Variants in ZNF473 observed in about 807,000 individuals in gnomAD.
The protein encoded by ZNF473 is zinc finger protein 473, also known as zinc finger protein 100 homolog.
A neutral mutation model predicts 11.1 loss-of-function variants in ZNF473; 4 were observed. That is an observed-to-expected ratio of 0.36 (90% CI 0.18 to 0.82). ZNF473 has a LOEUF of 0.82. Ranked by LOEUF, ZNF473 falls within the 40% of genes least tolerant of loss-of-function variation. The probability of loss-of-function intolerance (pLI) is 0.49; values close to 1 mark genes in which losing one functional copy is unlikely to be tolerated. For missense variants in ZNF473, 854 were observed against 1,084.0 expected, an observed-to-expected ratio of 0.79 and a Z score of 2.98; for synonymous variants, 404 against 390.4, an observed-to-expected ratio of 1.03 and a Z score of -0.41.
At chr19:50,028,508 A>G (rs1009287290) in intron 1 of ZNF473, among the ~76,000 whole-genome samples, 2 of 142,658 alleles carry the variant, frequency 1.4e-5, no homozygotes, top group African/African-American at 5.7e-5. Flanking sequence ...CAACTTGCTC[A>G]TTTTTAATTT....
At chr19:50,036,990 G>A (rs901600529) in intron 2 of ZNF473, among the ~76,000 whole-genome samples, 1 of 152,202 alleles carries the variant, frequency 6.6e-6, no homozygotes, top group African/African-American at 2.4e-5. Flanking sequence ...ATAAGTTGGG[G>A]ATAATCCTGC....
chr19:50,040,109 T>C (rs1419343230), intron 3 of ZNF473, among the ~76,000 whole-genome samples: 4 of 152,166 alleles, frequency 2.6e-5, no homozygotes, highest in Non-Finnish European at 5.9e-5. Flanking sequence ...AGTGATTGGC[T>C]AGGATTCCCA....
chr19:50,031,195 T>A, intron 2 of ZNF473, 104 bp downstream of exon 2: 2 of 1,460,536 alleles, frequency 1.4e-6, no homozygotes, highest in Non-Finnish European at 1.9e-6. Context: ...TGTTGATTGG[T>A]CACCCCCATG....
rs1478890180 is a variant in ZNF473 at position 50,041,825 on chromosome 19, T to C, written c.226+6T>C. 2 of 1,605,686 alleles carry C rather than the reference T, an allele frequency of 1.2e-6. No homozygotes were observed. The highest frequency in any genetic ancestry group is 3.4e-5 in the Admixed American group (2 of 58,336). On this transcript the variant is annotated splice_donor_region_variant and intron_variant, in intron 4 of 4. Transcript: ENST00000270617. ...CCCAGAAGCAACAAGCCCTGGTGAGTGGATGGAGAGGGGCCCCTTGTGTAC... is the reference window on the plus strand; with the variant it reads ...CCCAGAAGCAACAAGCCCTGGTGAGCGGATGGAGAGGGGCCCCTTGTGTAC...
At chr19:50,032,861 A>G (rs1037688175) in intron 2 of ZNF473, among the ~76,000 whole-genome samples, 14 of 152,150 alleles carry the variant, frequency 9.2e-5, no homozygotes, top group African/African-American at 3.4e-4. Flanking sequence ...CTCTGCCTTC[A>G]TCTTCACAGG....
At chr19:50,043,019 A>G (rs550345363) in intron 4 of ZNF473, among the ~76,000 whole-genome samples, 5 of 152,300 alleles carry the variant, frequency 3.3e-5, no homozygotes, top group African/African-American at 1.2e-4. Flanking sequence ...GAACTGCACA[A>G]GGGACAGGCT....
chr19:50,028,846 G>A (rs1051106146), intron 1 of ZNF473, among the ~76,000 whole-genome samples: 2 of 152,160 alleles, frequency 1.3e-5, no homozygotes, highest in Non-Finnish European at 2.9e-5. Context: ...AGTTATACTC[G>A]TAGGTTGAGG....
At chr19:50,040,280 C>T (rs1477993284) in intron 3 of ZNF473, among the ~76,000 whole-genome samples, 1 of 152,218 alleles carries the variant, frequency 6.6e-6, no homozygotes. Context: ...TGCTTAATTC[C>T]CCCAGCAATA....
chr19:50,030,813 G>C (rs1354981751), intron 1 of ZNF473, 79 bp from the exon 2 acceptor site: 1 of 550,412 alleles, frequency 1.8e-6, no homozygotes, highest in Non-Finnish European at 3.3e-6. Flanking sequence ...TGGCGAAGCT[G>C]TTCTGTAGGT....
chr19:50,040,306 T>G (rs1029275166), intron 3 of ZNF473, among the ~76,000 whole-genome samples: 3 of 152,198 alleles, frequency 2.0e-5, no homozygotes, highest in African/African-American at 7.2e-5. Context: ...GAATGTGATA[T>G]CGCGTGTGAA....
chr19:50,038,202 TTA>T (rs201882735), intron 2 of ZNF473, among the ~76,000 whole-genome samples: 2,631 of 147,090 alleles, frequency 0.018, 40 homozygotes, highest in Middle Eastern at 0.05. Context: ...AATTTATAAA[TTA>T]TATATATAAT....
chr19:50,044,845 G>T lies in ZNF473; in HGVS notation c.402G>T (p.Arg134Ser). 6.2e-7 allele frequency: 1 copy of T among 1,614,232 alleles called. No homozygotes were observed. The highest frequency in any genetic ancestry group is 8.5e-7 in the Non-Finnish European group (1 of 1,180,042). Residue 134 changes from arginine to serine, a missense_variant, in exon 5 of 5, where the codon AGG (arginine) becomes AGT (serine). Arg to Ser is a moderately radical substitution (Grantham distance 110). Around this residue, in one of 2 missense-constraint regions of ZNF473, gnomAD observed 668 missense variants for 790.2 expected, o/e 0.85. Transcript: ENST00000270617. ...SLLGDPESLL[R>S]SDIATNGESP... ...TAGGCGATCCAGAAAGTCTTCTGAG[G>T]TCTGATATTGCCACCAACGGGGAAA...
chr19:50,034,632 T>C (rs2077335608), intron 2 of ZNF473, among the ~76,000 whole-genome samples: 1 of 152,254 alleles, frequency 6.6e-6, no homozygotes, highest in Non-Finnish European at 1.5e-5. Flanking sequence ...TTGCCCCTTC[T>C]TGTTTTTTAA....
At position 50,039,046 on chromosome 19, in the gene ZNF473, T is replaced by A; in HGVS notation, c.10-115T>A. On this transcript the variant is annotated intron_variant, in intron 2 of 4. Transcript: ENST00000270617. This position sits in a 1 kb window ranked among gnomAD's most constrained non-coding sequence, Gnocchi z 4.8. ...CTCAAGATTCTTGTGAGGCTGAGGA[T>A]GGGATGGTTTTTGCCAAAGCCCTGG... 7.6e-7 allele frequency: 1 copy of A among 1,315,698 alleles called. No individual in the cohort carries two copies. Among genetic ancestry groups the A allele is most frequent in the Non-Finnish European group, 1.1e-6 (1 of 936,952 alleles). 81.5% of individuals were successfully genotyped at this position (1,315,698 alleles called of 1,614,324 possible). A position where few individuals can be genotyped will look rare whatever the true frequency, so the allele number is the denominator to read the frequency against.
At chr19:50,031,146 G>A (rs2077315798) in intron 2 of ZNF473, 55 bp downstream of exon 2, 1 of 1,555,004 alleles carries the variant, frequency 6.4e-7, no homozygotes. Flanking sequence ...AGAAAAATTG[G>A]CCTTCCTTTG....
intron 3 of ZNF473, 29 bp from the exon 4 acceptor site, chr19:50,041,701 T>A: frequency 6.4e-7 from 1 of 1,574,654 alleles, no homozygotes; most frequent in East Asian, 2.3e-5. Flanking sequence ...ATGTCCTGGT[T>A]GGGTGACAAT....
At chr19:50,035,507 G>A (rs1978376975) in intron 2 of ZNF473, among the ~76,000 whole-genome samples, 1 of 144,960 alleles carries the variant, frequency 6.9e-6, no homozygotes, top group Non-Finnish European at 1.5e-5. Flanking sequence ...GTTCTTAAGA[G>A]TTTTACAAAG....
At position 50,047,099 on chromosome 19, in the gene ZNF473, A is replaced by G; in HGVS notation, c.*40A>G. ...CAGAGTCCCAGAATATGAGACCGTT[A>G]CTCGGATGTTGAAAGTTGGAAACTA... On this transcript the variant is annotated 3_prime_UTR_variant, in exon 5 of 5. Coordinates refer to ENST00000270617, the MANE Select transcript of ZNF473 (RefSeq NM_015428.4). 4 of 1,524,410 alleles carry G rather than the reference A, an allele frequency of 2.6e-6. No individual in the cohort carries two copies. The highest frequency in any genetic ancestry group is 3.6e-6 in the Non-Finnish European group (4 of 1,121,366). The allele number at this position is 1,524,410 out of a possible 1,614,324, so 94.4% of individuals were successfully genotyped here.
chr19:50,045,971 A>T lies in ZNF473; in HGVS notation c.1528A>T (p.Thr510Ser). The change falls in exon 5 of 5, where the codon ACT becomes TCT. Residue 510 changes from threonine (T) to serine (S), a missense_variant. Around this residue, in one of 2 missense-constraint regions of ZNF473, gnomAD observed 668 missense variants for 790.2 expected, o/e 0.85. Transcript: ENST00000270617. ...NRLVQHQKMHTVKTPYECQEC... is the reference protein window; with the variant it reads ...NRLVQHQKMHSVKTPYECQEC... ...CCTTGTGCAACACCAGAAAATGCAC[A>T]CTGTCAAAACCCCATATGAATGTCA... The T allele has an allele frequency of 6.2e-7, 1 of 1,614,230 alleles. No individual in the cohort carries two copies. The highest frequency in any genetic ancestry group is 8.5e-7 in the Non-Finnish European group (1 of 1,180,040).
Sources: allele counts gnomAD v4.1 joint callset (sites outside exome capture counted in the v4.1 genomes callset), GRCh38; gene constraint gnomAD v4.1.1; regional missense constraint gnomAD v4.1.1; non-coding constraint Gnocchi (gnomAD v3.1); transcripts MANE v1.5; gene names NCBI Gene and HGNC (gene_info 2026-07-23, HGNC 2026-07-21).